PRKN: variants seen among roughly 807,000 people sequenced by gnomAD.
The protein encoded by PRKN is parkin RBR E3 ubiquitin protein ligase.
Under a neutral mutation model 59.5 loss-of-function variants are expected in PRKN, and 56 were observed. The ratio of observed to expected loss-of-function variants is 0.94; its 90% CI spans 0.76 to 1.18. The LOEUF (loss-of-function observed/expected upper bound fraction) is 1.18. PRKN is among the 50% of genes most tolerant of loss of function. The probability of loss-of-function intolerance (pLI) is 0.00; values close to 1 mark genes in which losing one functional copy is unlikely to be tolerated. For missense variants in PRKN, 657 were observed against 596.4 expected (o/e 1.10, Z -1.06); for synonymous variants, 250 against 222.1 (o/e 1.13, Z -1.12).
chr6:161,627,461 G>A (rs897576594), intron 7 of PRKN, among the ~76,000 whole-genome samples: 1 of 152,194 alleles, frequency 6.6e-6, no homozygotes, highest in African/African-American at 2.4e-5. Context: ...TAAAAACAGT[G>A]TTTACTATAA....
At chr6:162,072,981 G>A (rs1219903848) in intron 4 of PRKN, among the ~76,000 whole-genome samples, 1 of 152,210 alleles carries the variant, frequency 6.6e-6, no homozygotes, top group East Asian at 1.9e-4. Context: ...AGTTCAGGAT[G>A]CAATTTCACT....
intron 7 of PRKN, among the ~76,000 whole-genome samples, chr6:161,632,030 G>C (rs1198446936): frequency 6.6e-6 from 1 of 152,168 alleles, no homozygotes; most frequent in Non-Finnish European, 1.5e-5. Context: ...CAAATTGATA[G>C]CTTCAGCATT....
At chr6:161,660,653 G>C (rs1784510414) in intron 7 of PRKN, among the ~76,000 whole-genome samples, 1 of 152,130 alleles carries the variant, frequency 6.6e-6, no homozygotes, top group African/African-American at 2.4e-5. Context: ...CCCATGTCCT[G>C]GGCCGCTCTT....
At chr6:162,116,678 A>G (rs935463655) in intron 4 of PRKN, among the ~76,000 whole-genome samples, 2 of 152,218 alleles carry the variant, frequency 1.3e-5, no homozygotes, top group African/African-American at 2.4e-5. Context: ...AAATAGCTCT[A>G]TGTAAGGTGC....
chr6:162,593,723 G>A (rs1781392153), intron 1 of PRKN, among the ~76,000 whole-genome samples: 1 of 152,226 alleles, frequency 6.6e-6, no homozygotes, highest in Non-Finnish European at 1.5e-5. Context: ...ACACCCAAAG[G>A]AGAGTCAGGA....
intron 6 of PRKN, among the ~76,000 whole-genome samples, chr6:161,859,089 C>T (rs200485524): frequency 4.0e-5 from 6 of 150,924 alleles, no homozygotes; most frequent in East Asian, 2.0e-4. Flanking sequence ...AGGCTGGTCT[C>T]GAACTCCTGA....
intron 7 of PRKN, among the ~76,000 whole-genome samples, chr6:161,686,586 T>G (rs1785565323): frequency 6.6e-6 from 1 of 152,244 alleles, no homozygotes; most frequent in Admixed American, 6.5e-5. Flanking sequence ...ATAAATTTCA[T>G]ACTCCTTAGA....
At chr6:162,458,441 A>G (rs960285402) in intron 1 of PRKN, among the ~76,000 whole-genome samples, 2 of 151,488 alleles carry the variant, frequency 1.3e-5, no homozygotes, top group Non-Finnish European at 2.9e-5. Context: ...AAAAAAAAAA[A>G]AAATTTTTTT....
intron 1 of PRKN, among the ~76,000 whole-genome samples, chr6:162,680,275 T>C (rs182723104): frequency 3.5e-3 from 532 of 151,016 alleles, no homozygotes; most frequent in African/African-American, 0.012. Flanking sequence ...ACTTAATATA[T>C]ACTTAATTAA....
chr6:162,237,885 T>C (rs1305704281), intron 3 of PRKN, among the ~76,000 whole-genome samples: 2 of 152,066 alleles, frequency 1.3e-5, no homozygotes, highest in African/African-American at 4.8e-5. Flanking sequence ...GCAGTCTCAG[T>C]CCAGGGACCA....
intron 1 of PRKN, among the ~76,000 whole-genome samples, chr6:162,529,898 G>T (rs954212049): frequency 6.6e-6 from 1 of 152,174 alleles, no homozygotes; most frequent in Admixed American, 6.5e-5. Context: ...GGGAGGCCGA[G>T]GCAGGCAGAT....
At chr6:162,636,031 A>C (rs972093254) in intron 1 of PRKN, among the ~76,000 whole-genome samples, 1 of 152,208 alleles carries the variant, frequency 6.6e-6, no homozygotes, top group African/African-American at 2.4e-5. Flanking sequence ...GTAAAAATTA[A>C]AATGGTTCTG....
chr6:162,404,019 T>C (rs1787934648), intron 2 of PRKN, among the ~76,000 whole-genome samples: 1 of 152,154 alleles, frequency 6.6e-6, no homozygotes, highest in African/African-American at 2.4e-5. Context: ...GTCTTCCCTA[T>C]CCTAATACAT....
At chr6:162,644,552 A>T (rs1583970933) in intron 1 of PRKN, among the ~76,000 whole-genome samples, 1 of 152,128 alleles carries the variant, frequency 6.6e-6, no homozygotes, top group Non-Finnish European at 1.5e-5. Context: ...CATAAAAAAT[A>T]ACCGTTGAAT....
Position 161,973,435 on chromosome 6 carries a change from A to G in PRKN, c.619-18T>C. 1 of 1,356,458 alleles carries G rather than the reference A, an allele frequency of 7.4e-7. No homozygotes were observed. Among genetic ancestry groups the G allele is most frequent in the Non-Finnish European group, 1.1e-6 (1 of 945,544 alleles). 84.0% of individuals were successfully genotyped at this position (1,356,458 alleles called of 1,614,324 possible). Reference sequence around the variant, plus strand: ...AAAAATTCCTGAAAGAAAGATAAATATGATCACACACATGGATCCCGGCTG... The same window carrying G: ...AAAAATTCCTGAAAGAAAGATAAATGTGATCACACACATGGATCCCGGCTG... On this transcript the variant is annotated intron_variant, in intron 5 of 11. Coordinates refer to ENST00000366898, the MANE Select transcript of PRKN (RefSeq NM_004562.3).
chr6:162,405,193 C>G (rs1284328215), intron 2 of PRKN, among the ~76,000 whole-genome samples: 2 of 152,138 alleles, frequency 1.3e-5, no homozygotes, highest in Non-Finnish European at 1.5e-5. Flanking sequence ...CCAACGCAGA[C>G]TTTCAGTATT....
intron 5 of PRKN, among the ~76,000 whole-genome samples, chr6:162,030,760 C>A (rs931778406): frequency 6.6e-6 from 1 of 152,102 alleles, no homozygotes; most frequent in Non-Finnish European, 1.5e-5. Flanking sequence ...TTAAGAGGAC[C>A]GCAGAGAGAG....
intron 7 of PRKN, among the ~76,000 whole-genome samples, chr6:161,660,475 T>C (rs1698065648): frequency 6.6e-6 from 1 of 152,184 alleles, no homozygotes; most frequent in African/African-American, 2.4e-5. Context: ...TAAAAGGTCA[T>C]TTCTGTGAAG....
At chr6:162,105,822 AC>A (rs1482091074) in intron 4 of PRKN, among the ~76,000 whole-genome samples, 3 of 152,238 alleles carry the variant, frequency 2.0e-5, no homozygotes, top group African/African-American at 7.2e-5. Flanking sequence ...CAAATATGAA[AC>A]AAACTAAAAT....
Sources: allele counts gnomAD v4.1 joint callset (sites outside exome capture counted in the v4.1 genomes callset), GRCh38; gene constraint gnomAD v4.1.1; transcripts MANE v1.5; gene names NCBI Gene and HGNC (gene_info 2026-07-23, HGNC 2026-07-21).